The following ROBO2 variants were observed in gnomAD, a reference collection of about 807,000 sequenced individuals.
ROBO2 encodes roundabout homolog 2.
ROBO2 carries 53 observed loss-of-function variants against 160.8 expected under a neutral mutation model. That is an observed-to-expected ratio of 0.33 (90% CI 0.26 to 0.41). The LOEUF is 0.41. Ranked by LOEUF, ROBO2 falls within the 10% of genes least tolerant of loss-of-function variation. The pLI, the probability that ROBO2 is intolerant of heterozygous loss-of-function variation, is 1.00. For missense variants in ROBO2, 1,577 were observed against 1,722.4 expected (o/e 0.92, Z 1.49); for synonymous variants, 664 against 611.7 (o/e 1.09, Z -1.26).
intron 23 of ROBO2, among the ~76,000 whole-genome samples, chr3:77,626,317 A>G (rs912433395): frequency 3.3e-5 from 5 of 152,166 alleles, no homozygotes; most frequent in African/African-American, 4.8e-5. Flanking sequence ...ATTCAGTTCT[A>G]TGTTTATTTA....
rs546028092 is a variant in ROBO2, at chr3:77,408,673, A to G, written c.389-68741A>G. On this transcript the variant is annotated intron_variant, in intron 2 of 25. Transcript: ENST00000461745. ...CAATTGCTATCAAAATTTGACTTTTATTTAGCCTACATTGACTTCTTCTGT... is the reference window on the plus strand; with the variant it reads ...CAATTGCTATCAAAATTTGACTTTTGTTTAGCCTACATTGACTTCTTCTGT... Among the ~76,000 whole-genome samples the G allele has an allele frequency of 2.6e-5, 4 of 152,176 alleles. No homozygotes were observed. In the South Asian group the frequency reaches 8.3e-4, roughly 32 times the overall value.
chr3:76,421,723 T>C (rs1190984334), intron 2 of ROBO2, among the ~76,000 whole-genome samples: 1 of 82,618 alleles, frequency 1.2e-5, no homozygotes, highest in African/African-American at 7.7e-5. Flanking sequence ...CGAAACTCCA[T>C]CTAAAAAAAA....
At chr3:76,452,149 C>T (rs2077505873) in intron 2 of ROBO2, among the ~76,000 whole-genome samples, 1 of 151,888 alleles carries the variant, frequency 6.6e-6, no homozygotes, top group Non-Finnish European at 1.5e-5. Flanking sequence ...ATTTATGTTA[C>T]TTTGCTTTTC....
chr3:76,440,400 C>A lies in ROBO2; in HGVS notation c.109+502798C>A, dbSNP rs113265961. 4.6e-4 allele frequency among the ~76,000 whole-genome samples: 70 copies of A among 152,058 alleles called. 1 individual carries two copies. Among genetic ancestry groups the A allele is most frequent in the African/African-American group, 1.4e-3 (57 of 41,482 alleles). On this transcript the variant is annotated intron_variant, in intron 2 of 26. Coordinates refer to the ROBO2 transcript ENST00000487694. Reference sequence around the variant, plus strand: ...TATCTCCTAATGCTATCCCTCCCCTCTCCCCCAACCCCACAACAGACCCCG... The same window carrying A: ...TATCTCCTAATGCTATCCCTCCCCTATCCCCCAACCCCACAACAGACCCCG...
intron 2 of ROBO2, among the ~76,000 whole-genome samples, chr3:76,706,152 C>T (rs2093158748): frequency 6.6e-6 from 1 of 151,980 alleles, no homozygotes; most frequent in South Asian, 2.1e-4. Flanking sequence ...GAAAGCACCT[C>T]AATAGAATAG....
chr3:76,963,037 A>T (rs1379856288), intron 2 of ROBO2, among the ~76,000 whole-genome samples: 2 of 151,862 alleles, frequency 1.3e-5, no homozygotes. Context: ...GAGTAACTCT[A>T]AATAAATGTA....
intron 2 of ROBO2, among the ~76,000 whole-genome samples, chr3:76,802,455 G>A (rs1488109910): frequency 2.6e-5 from 4 of 151,972 alleles, no homozygotes; most frequent in East Asian, 1.9e-4. Flanking sequence ...GAGGCCGGGC[G>A]CGGTGGCTCA....
At chr3:76,214,289 C>A (rs1341510689) in intron 2 of ROBO2, among the ~76,000 whole-genome samples, 1 of 152,064 alleles carries the variant, frequency 6.6e-6, no homozygotes, top group Non-Finnish European at 1.5e-5. Context: ...TGTTCATGTC[C>A]CCTCCAAAAT....
chr3:76,405,831 T>G (rs1357840747), intron 2 of ROBO2, among the ~76,000 whole-genome samples: 2 of 151,748 alleles, frequency 1.3e-5, no homozygotes, highest in African/African-American at 4.8e-5. Context: ...TGCCAGGTGG[T>G]GCATATGGAC....
At chr3:77,545,145 G>A (rs1420987279) in intron 6 of ROBO2, among the ~76,000 whole-genome samples, 2 of 152,038 alleles carry the variant, frequency 1.3e-5, no homozygotes, top group African/African-American at 4.8e-5. Context: ...ATTCATCAGA[G>A]GGTTAAAGCT....
chr3:76,101,244 G>T (rs1035652068), intron 2 of ROBO2, among the ~76,000 whole-genome samples: 5 of 152,224 alleles, frequency 3.3e-5, no homozygotes, highest in African/African-American at 9.6e-5. Flanking sequence ...TAGGTATAAT[G>T]TTAATCAATA....
intron 2 of ROBO2, among the ~76,000 whole-genome samples, chr3:76,340,558 G>A (rs1406592913): frequency 6.6e-6 from 1 of 152,136 alleles, no homozygotes; most frequent in Admixed American, 6.6e-5. Context: ...AAAGCTAATG[G>A]TGTATCTCAA....
chr3:76,869,618 G>C (rs1577145013), intron 2 of ROBO2, among the ~76,000 whole-genome samples: 3 of 152,048 alleles, frequency 2.0e-5, no homozygotes, highest in Middle Eastern at 3.4e-3. Flanking sequence ...CAAAGTGCTG[G>C]GATTACAGGC....
intron 2 of ROBO2, among the ~76,000 whole-genome samples, chr3:77,263,963 A>G (rs1247314978): frequency 1.5e-5 from 2 of 130,750 alleles, no homozygotes; most frequent in Non-Finnish European, 3.0e-5. Context: ...TTAATGAATT[A>G]ATTATTTAGA....
intron 2 of ROBO2, among the ~76,000 whole-genome samples, chr3:75,999,698 C>T (rs1311619433): frequency 6.6e-6 from 1 of 152,042 alleles, no homozygotes; most frequent in Non-Finnish European, 1.5e-5. Context: ...TGCAGTTAAT[C>T]ACAAAATTTA....
chr3:76,657,318 G>A (rs571732248), intron 2 of ROBO2, among the ~76,000 whole-genome samples: 3 of 151,690 alleles, frequency 2.0e-5, no homozygotes, highest in Non-Finnish European at 2.9e-5. Flanking sequence ...CCAGCTACTC[G>A]GGAAGCTGAG....
chr3:77,172,633 G>C (rs140610383), intron 2 of ROBO2, among the ~76,000 whole-genome samples: 6 of 152,112 alleles, frequency 3.9e-5, no homozygotes, highest in Non-Finnish European at 5.9e-5. Flanking sequence ...ATATAGACAA[G>C]TAGTGTGATT....
chr3:76,694,385 G>T (rs1384628210), intron 2 of ROBO2, among the ~76,000 whole-genome samples: 1 of 152,070 alleles, frequency 6.6e-6, no homozygotes, highest in Non-Finnish European at 1.5e-5. Flanking sequence ...TTGAAACTGT[G>T]CCAAGCTAAT....
intron 2 of ROBO2, among the ~76,000 whole-genome samples, chr3:76,576,966 A>G (rs938146145): frequency 1.3e-5 from 2 of 151,972 alleles, no homozygotes; most frequent in African/African-American, 4.8e-5. Context: ...GAAAGGAGGA[A>G]AGGAGAGGAA....
Sources: allele counts gnomAD v4.1 joint callset (sites outside exome capture counted in the v4.1 genomes callset), GRCh38; gene constraint gnomAD v4.1.1; transcripts MANE v1.5; gene names NCBI Gene and HGNC (gene_info 2026-07-23, HGNC 2026-07-21).